The following LRP1B variants were observed in gnomAD, a reference collection of about 807,000 sequenced individuals.
LRP1B encodes the protein LDL receptor related protein 1B.
LRP1B carries 217 observed loss-of-function variants against 556.6 expected under a neutral mutation model. That is an observed-to-expected ratio of 0.39 (90% CI 0.35 to 0.44). LRP1B has a LOEUF of 0.44. LRP1B is among the 20% of genes least tolerant of loss of function. LRP1B has a pLI of 1.00. For missense variants in LRP1B, 5,053 were observed against 5,620.8 expected (o/e 0.90, Z 3.23); for synonymous variants, 2,047 against 1,865.8 (o/e 1.10, Z -2.50).
chr2:140,263,806 C>CTTTT lies in LRP1B; in HGVS notation c.13247+6432_13247+6435dup, dbSNP rs59927620. On this transcript the variant is annotated intron_variant, in intron 86 of 90. Coordinates refer to ENST00000389484, the MANE Select transcript of LRP1B (RefSeq NM_018557.3). Reference sequence around the variant, plus strand: ...ATAATCTCTTCAAAGTAATTGAGGCCTTTTTTTTTTTTCACGTGTCCCTCA... The same window carrying CTTTT: ...ATAATCTCTTCAAAGTAATTGAGGCCTTTTTTTTTTTTTTTTCACGTGTCCCTCA... Among the ~76,000 whole-genome samples, 219 of 145,278 alleles carry CTTTT rather than the reference C, an allele frequency of 1.5e-3. 7 individuals carry two copies. In the East Asian group the frequency reaches 0.031, roughly 20 times the overall value.
chr2:140,966,139 T>C (rs989194932), intron 18 of LRP1B, among the ~76,000 whole-genome samples: 1 of 152,228 alleles, frequency 6.6e-6, no homozygotes, highest in Non-Finnish European at 1.5e-5. Context: ...CACCGTCTTC[T>C]ACAATGGTTG....
At chr2:141,599,599 C>A (rs1017124971) in intron 2 of LRP1B, among the ~76,000 whole-genome samples, 2 of 152,004 alleles carry the variant, frequency 1.3e-5, no homozygotes, top group African/African-American at 4.8e-5. Flanking sequence ...TTTATTTGAA[C>A]CTTCTATTTT....
Position 142,017,747 on chromosome 2 carries a change from C to T in LRP1B, c.82+112901G>A, listed in dbSNP as rs117217691. Among the ~76,000 whole-genome samples, 65 of 152,030 alleles carry T rather than the reference C, an allele frequency of 4.3e-4. 1 individual carries two copies. The East Asian group carries it at 0.012, about 28-fold the overall frequency. The stretch of plus-strand genomic sequence containing the variant: ...TAAAAGTTTTAAAAACTTAGCCGGG[C>T]GTGGTGGCACGTGCCTATGGTTCCA... On this transcript the variant is annotated intron_variant, in intron 1 of 90. Coordinates refer to ENST00000389484, the MANE Select transcript of LRP1B (RefSeq NM_018557.3).
chr2:141,710,026 A>G (rs925193), intron 2 of LRP1B, among the ~76,000 whole-genome samples: 47,416 of 151,828 alleles, frequency 0.31, 7,882 homozygotes, highest in South Asian at 0.42. Flanking sequence ...TATTAATCCC[A>G]TTATAAGGGC....
chr2:141,789,991 A>C (rs1039236253), intron 2 of LRP1B, among the ~76,000 whole-genome samples: 30 of 152,026 alleles, frequency 2.0e-4, no homozygotes, highest in African/African-American at 7.0e-4. Context: ...GCTAAGGTCC[A>C]TTAGAGGATT....
At chr2:140,656,706 C>G (rs1489202331) in intron 41 of LRP1B, among the ~76,000 whole-genome samples, 2 of 152,062 alleles carry the variant, frequency 1.3e-5, no homozygotes, top group Admixed American at 6.5e-5. Flanking sequence ...TTGTCTGATT[C>G]ATTCAAAAGA....
intron 2 of LRP1B, among the ~76,000 whole-genome samples, chr2:141,695,989 G>T (rs1266046705): frequency 6.6e-6 from 1 of 151,774 alleles, no homozygotes. Flanking sequence ...TTTCTACCTT[G>T]TGAAAAAAAA....
chr2:140,847,318 T>A (rs750186916), intron 29 of LRP1B, among the ~76,000 whole-genome samples: 40 of 152,218 alleles, frequency 2.6e-4, no homozygotes, highest in Admixed American at 9.8e-4. Context: ...CCCATTATTT[T>A]CAGAATTAAC....
At chr2:141,605,766 G>A (rs577259977) in intron 2 of LRP1B, among the ~76,000 whole-genome samples, 1 of 152,154 alleles carries the variant, frequency 6.6e-6, no homozygotes, top group African/African-American at 2.4e-5. Context: ...GTTAGAAGTG[G>A]TATTTTGTTT....
At chr2:140,484,915 A>G (rs1430151052) in intron 59 of LRP1B, among the ~76,000 whole-genome samples, 2 of 152,152 alleles carry the variant, frequency 1.3e-5, no homozygotes, top group Non-Finnish European at 2.9e-5. Context: ...TTTATTATCC[A>G]TGGATACTGC....
In LRP1B at chr2:141,759,769, T is replaced by C. The variant is rs139893396; in HGVS notation, c.205+50510A>G. On this transcript the variant is annotated intron_variant, in intron 2 of 90. Transcript: ENST00000389484. ...TTATTGAGACTACAATTGAGAAAGATGTTTAGATCTTTGAGGGGGAGACAT... is the reference window on the plus strand; with the variant it reads ...TTATTGAGACTACAATTGAGAAAGACGTTTAGATCTTTGAGGGGGAGACAT... Among the ~76,000 whole-genome samples, 362 of 152,252 alleles carry C rather than the reference T, an allele frequency of 2.4e-3. 1 individual carries two copies. The highest frequency in any genetic ancestry group is 4.0e-3 in the Non-Finnish European group (272 of 68,014).
chr2:140,241,176 G>T (rs1270819025), intron 87 of LRP1B, among the ~76,000 whole-genome samples: 1 of 150,836 alleles, frequency 6.6e-6, no homozygotes, highest in Non-Finnish European at 1.5e-5. Flanking sequence ...TTGGGAAAGT[G>T]AACTTTATAT....
intron 17 of LRP1B, among the ~76,000 whole-genome samples, chr2:140,987,803 G>A (rs1459696017): frequency 6.6e-6 from 1 of 152,072 alleles, no homozygotes; most frequent in East Asian, 1.9e-4. Flanking sequence ...TGGCCAACAT[G>A]GTGAATCCCT....
chr2:140,808,036 G>A (rs1045954607), intron 32 of LRP1B, among the ~76,000 whole-genome samples: 1 of 152,196 alleles, frequency 6.6e-6, no homozygotes, highest in South Asian at 2.1e-4. Flanking sequence ...AGGTTGCAGT[G>A]AGCCAAGATT....
At chr2:141,328,811 T>G (rs767592448) in intron 3 of LRP1B, among the ~76,000 whole-genome samples, 9 of 152,138 alleles carry the variant, frequency 5.9e-5, no homozygotes, top group Non-Finnish European at 8.8e-5. Context: ...CAGGAAGAGT[T>G]CTGAGGAGAA....
At chr2:140,417,045 C>T (rs1350869923) in intron 66 of LRP1B, among the ~76,000 whole-genome samples, 1 of 152,194 alleles carries the variant, frequency 6.6e-6, no homozygotes, top group African/African-American at 2.4e-5. Flanking sequence ...ATGTGGCAAC[C>T]AGCTTCCCAA....
chr2:142,117,620 T>C (rs1295613927), intron 1 of LRP1B, among the ~76,000 whole-genome samples: 3 of 150,480 alleles, frequency 2.0e-5, no homozygotes, highest in Non-Finnish European at 4.4e-5. Context: ...TGTGTTTGTG[T>C]GTGTGTGAGA....
chr2:140,629,536 C>T (rs1239816148), intron 41 of LRP1B, among the ~76,000 whole-genome samples: 1 of 152,148 alleles, frequency 6.6e-6, no homozygotes, highest in Non-Finnish European at 1.5e-5. Context: ...GTATTTTAAA[C>T]TGCCTGAGTC....
At chr2:140,312,470 A>C (rs1300286195) in intron 83 of LRP1B, among the ~76,000 whole-genome samples, 1 of 152,006 alleles carries the variant, frequency 6.6e-6, no homozygotes, top group Non-Finnish European at 1.5e-5. Flanking sequence ...ACTATAGAGA[A>C]TAAATGTTCA....
Sources: gnomAD v4.1 joint callset for allele counts (sites outside exome capture counted in the v4.1 genomes callset) on GRCh38, gnomAD v4.1.1 for gene constraint, MANE v1.5 for transcripts, NCBI Gene and HGNC (gene_info 2026-07-23, HGNC 2026-07-21) for gene names.